BMP3: variants seen among roughly 807,000 people sequenced by gnomAD.
The protein encoded by BMP3 is bone morphogenetic protein 3 (osteogenic).
Under a neutral mutation model 38.1 loss-of-function variants are expected in BMP3, and 23 were observed. That is an observed-to-expected ratio of 0.60 (90% CI 0.43 to 0.86). BMP3 has a LOEUF of 0.86. Among genes scored for constraint, BMP3 ranks in the 40% least tolerant of loss-of-function variants. BMP3 has a pLI of 0.00. For synonymous variants in BMP3, 258 were observed against 225.7 expected, an observed-to-expected ratio of 1.14 and a Z score of -1.28; for missense variants, 628 against 579.6, an observed-to-expected ratio of 1.08 and a Z score of -0.86.
In BMP3 at chr4:81,031,228, C is replaced by A. The variant is rs1739747646; in HGVS notation, c.-57C>A. ...TCGGCTCCGCCGCCGGCTCCTTGCGCCTTCGGAGTGTCCCGCAGCGACGCC... is the reference window on the plus strand; with the variant it reads ...TCGGCTCCGCCGCCGGCTCCTTGCGACTTCGGAGTGTCCCGCAGCGACGCC... On this transcript the variant is annotated 5_prime_UTR_variant, in exon 1 of 3. Transcript: ENST00000282701. 9 of 1,490,866 alleles carry A rather than the reference C, an allele frequency of 6.0e-6. No homozygotes were observed. Among genetic ancestry groups the A allele is most frequent in the South Asian group, 1.4e-5 (1 of 73,796 alleles). The allele number at this position is 1,490,866 out of a possible 1,614,324, so 92.4% of individuals were successfully genotyped here. A position where few individuals can be genotyped will look rare whatever the true frequency, so the allele number is the denominator to read the frequency against.
In BMP3 at chr4:81,045,907, G is replaced by A. The variant is rs760441543; in HGVS notation, c.486G>A (p.Gln162=). 6.2e-7 allele frequency: 1 copy of A among 1,614,114 alleles called. No individual in the cohort carries two copies. The highest frequency in any genetic ancestry group is 8.5e-7 in the Non-Finnish European group (1 of 1,180,008). ...ATCATGCTCAGAGGAAACACATTCA[G>A]ATTGATCTTTCTGCATGGACCCTCA... ...CSHHAQRKHI[Q]IDLSAWTLKF... The change falls in exon 2 of 3, where the codon CAG becomes CAA. Residue 162 remains glutamine, a synonymous_variant. Transcript: ENST00000282701.
At chr4:81,032,194 CAAAAAAA>C (rs5859748) in intron 1 of BMP3, among the ~76,000 whole-genome samples, 1,072 of 74,036 alleles carry the variant, frequency 0.014, 20 homozygotes, top group Middle Eastern at 0.028. Flanking sequence ...TCCTTAGTGG[CAAAAAAA>C]AAAAAAAAAA....
chr4:81,053,315 T>A, intron 2 of BMP3, 30 bp from the exon 3 acceptor site: 1 of 1,496,010 alleles, frequency 6.7e-7, no homozygotes, highest in Non-Finnish European at 8.9e-7. Context: ...CCACCTAACA[T>A]ATGTGTTCTT....
At chr4:81,031,642 C>G in intron 1 of BMP3, 42 bp downstream of exon 1, 1 of 1,502,230 alleles carries the variant, frequency 6.7e-7, no homozygotes, top group Non-Finnish European at 8.9e-7. Flanking sequence ...GGTCCCGCCC[C>G]AGCTTTCTCC....
At chr4:81,042,185 C>T (rs543886495) in intron 1 of BMP3, among the ~76,000 whole-genome samples, 9 of 152,156 alleles carry the variant, frequency 5.9e-5, no homozygotes, top group African/African-American at 1.2e-4. Context: ...TGTATTGCTA[C>T]GATATCTTAT....
In BMP3 at chr4:81,033,336, C is replaced by G. The variant is rs151075031; in HGVS notation, c.316+1736C>G. Among the ~76,000 whole-genome samples, 4 of 152,268 alleles carry G rather than the reference C, an allele frequency of 2.6e-5. No individual in the cohort carries two copies. The East Asian group carries it at 7.7e-4, about 29-fold the overall frequency. ...ACCATGGATAAAGATTTTAACAACT[C>G]AGGCACCATATTCTTTTTGGCTTCA... On this transcript the variant is annotated intron_variant, in intron 1 of 2. Coordinates refer to ENST00000282701, the MANE Select transcript of BMP3 (RefSeq NM_001201.5).
At position 81,031,381 on chromosome 4, in the gene BMP3, C is replaced by T; in HGVS notation, c.97C>T (p.Arg33Cys). Residue 33 changes from arginine to cysteine, a missense_variant, in exon 1 of 3, where the codon CGC becomes TGC. By Grantham distance (180) the Arg-to-Cys change is radical (BLOSUM62 -3). Coordinates refer to ENST00000282701, the MANE Select transcript of BMP3 (RefSeq NM_001201.5). The part of the protein sequence containing the change: ...ERPKPPFPEL[R>C]KAVPGDRTAG... Reference sequence around the variant, plus strand: ...ACCGAAGCCACCTTTCCCGGAGCTCCGCAAAGCTGTGCCAGGTGACCGCAC... The same window carrying T: ...ACCGAAGCCACCTTTCCCGGAGCTCTGCAAAGCTGTGCCAGGTGACCGCAC... 1.9e-6 allele frequency: 3 copies of T among 1,613,626 alleles called. 1 individual carries two copies. Among genetic ancestry groups the T allele is most frequent in the Middle Eastern group, 1.7e-4 (1 of 6,060 alleles).
Position 81,046,086 on chromosome 4 carries a change from C to G in BMP3, c.665C>G (p.Thr222Arg), listed in dbSNP as rs34505126. 8.7e-6 allele frequency: 14 copies of G among 1,614,048 alleles called. No individual in the cohort carries two copies. The highest frequency in any genetic ancestry group is 1.0e-5 in the Non-Finnish European group (12 of 1,180,034). ...GAGTTCCTCATAGGATTTAACATTA[C>G]GTCCAAGGGACGCCAGCTGCCAAAG... The part of the protein sequence containing the change: ...NEEFLIGFNI[T>R]SKGRQLPKRR... Residue 222 changes from threonine to arginine, a missense_variant, in exon 2 of 3, where the codon ACG becomes AGG. Transcript: ENST00000282701.
chr4:81,049,978 A>G (rs1286207566), intron 2 of BMP3, among the ~76,000 whole-genome samples: 1 of 152,150 alleles, frequency 6.6e-6, no homozygotes, highest in Admixed American at 6.6e-5. Flanking sequence ...AGTGTTCTAT[A>G]TGGCAGGGCT....
rs1740220174 is a variant in BMP3 at position 81,045,898 on chromosome 4, A to G, written c.477A>G (p.Lys159=). The G allele has an allele frequency of 1.2e-6, 2 of 1,614,018 alleles. No homozygotes were observed. The highest frequency in any genetic ancestry group is 2.2e-5 in the East Asian group (1 of 44,896). Residue 159 remains lysine, a synonymous_variant, in exon 2 of 3, where the codon AAA becomes AAG. Transcript: ENST00000282701. ...SGGCSHHAQR[K]HIQIDLSAWT... is the part of the protein sequence containing the mutation. ...GATGCTCCCATCATGCTCAGAGGAA[A>G]CACATTCAGATTGATCTTTCTGCAT...
intron 1 of BMP3, among the ~76,000 whole-genome samples, chr4:81,032,757 T>C (rs1235093214): frequency 1.3e-5 from 2 of 152,240 alleles, no homozygotes; most frequent in African/African-American, 4.8e-5. Flanking sequence ...CCCTGCATTG[T>C]CTGTGTAAAT....
chr4:81,039,852 A>G (rs913706391), intron 1 of BMP3, among the ~76,000 whole-genome samples: 2 of 152,210 alleles, frequency 1.3e-5, no homozygotes, highest in Non-Finnish European at 2.9e-5. Flanking sequence ...TAAGGAACTT[A>G]TGGCCTTAAG....
rs150686278 is a variant in BMP3 at position 81,042,032 on chromosome 4, A to G, written c.317-3706A>G. Reference sequence around the variant, plus strand: ...AATAGAGATATAAGGGGAGCCACAAATGTTAGTCACATATGTAATTTAAAA... The same window carrying G: ...AATAGAGATATAAGGGGAGCCACAAGTGTTAGTCACATATGTAATTTAAAA... On this transcript the variant is annotated intron_variant, in intron 1 of 2. Transcript: ENST00000282701. 2.4e-3 allele frequency among the ~76,000 whole-genome samples: 369 copies of G among 152,298 alleles called. 1 individual carries two copies. The highest frequency in any genetic ancestry group is 8.6e-3 in the African/African-American group (356 of 41,564).
In BMP3 at chr4:81,055,256, C is replaced by T. The variant is rs1254898909; in HGVS notation, c.*1720C>T. On this transcript the variant is annotated 3_prime_UTR_variant, in exon 3 of 3. Transcript: ENST00000282701. ...GCTGTTTGTAAATTAGTATGGCATT[C>T]GCTTTGGTTTAAGTGGTATTTTATT... 6.6e-6 allele frequency: 1 copy of T among 152,144 alleles called. No individual in the cohort carries two copies. The highest frequency in any genetic ancestry group is 1.5e-5 in the Non-Finnish European group (1 of 68,032). 9.4% of individuals were successfully genotyped at this position (152,144 alleles called of 1,614,324 possible). A position where few individuals can be genotyped will look rare whatever the true frequency, so the allele number is the denominator to read the frequency against.
rs70956086 is a variant in BMP3 at position 81,032,220 on chromosome 4, A to AAAAC, written c.316+620_316+621insAAAC. The stretch of plus-strand genomic sequence containing the variant: ...AAAAAAAAAAAAAAAAAAAAAAAAA[A>AAAAC]CAGGTGCTTGGGTGTTTCGATTATT... On this transcript the variant is annotated intron_variant, in intron 1 of 2. Coordinates refer to ENST00000282701, the MANE Select transcript of BMP3 (RefSeq NM_001201.5). Among the ~76,000 whole-genome samples the AAAAC allele has an allele frequency of 2.1e-5, 3 of 144,202 alleles. 1 individual carries two copies. In the South Asian group the frequency reaches 6.6e-4, roughly 32 times the overall value. The allele number at this position is 144,202 out of a possible 152,430, so 94.6% of individuals were successfully genotyped here.
chr4:81,053,583 T>C lies in BMP3; in HGVS notation c.*47T>C. The C allele has an allele frequency of 7.9e-7, 1 of 1,259,910 alleles. No homozygotes were observed. The highest frequency in any genetic ancestry group is 1.0e-6 in the Non-Finnish European group (1 of 956,320). The allele number at this position is 1,259,910 out of a possible 1,614,324, so 78.0% of individuals were successfully genotyped here. ...ATGCTTAATTCAATCATTAGTTTAT[T>C]TTTATGGACTTCTTCCTGTTTTTTT... is the stretch of plus-strand genomic sequence containing the variant. On this transcript the variant is annotated 3_prime_UTR_variant, in exon 3 of 3. Transcript: ENST00000282701.
Position 81,045,706 on chromosome 4 carries a change from T to G in BMP3, c.317-32T>G, listed in dbSNP as rs777893610. On this transcript the variant is annotated intron_variant, in intron 1 of 2. Transcript: ENST00000282701. ...ATAGTGAAGTAATGGTCTTGTTTTC[T>G]CCTGTTTACTCTCTTTCTTTTTCCT... The G allele has an allele frequency of 1.5e-5, 23 of 1,494,094 alleles. No homozygotes were observed. In the East Asian group the frequency reaches 5.0e-4, roughly 32 times the overall value. 92.6% of individuals were successfully genotyped at this position (1,494,094 alleles called of 1,614,324 possible).
chr4:81,041,649 T>G (rs1740081229), intron 1 of BMP3, among the ~76,000 whole-genome samples: 1 of 152,220 alleles, frequency 6.6e-6, no homozygotes, highest in African/African-American at 2.4e-5. Context: ...TCTATAGAAC[T>G]ACTAGAACTT....
At chr4:81,040,832 A>C (rs563921410) in intron 1 of BMP3, among the ~76,000 whole-genome samples, 25 of 152,286 alleles carry the variant, frequency 1.6e-4, no homozygotes, top group African/African-American at 6.0e-4. Flanking sequence ...CTAAAAACGC[A>C]TAAGTATTTT....
Sources: allele counts gnomAD v4.1 joint callset (sites outside exome capture counted in the v4.1 genomes callset), GRCh38; gene constraint gnomAD v4.1.1; transcripts MANE v1.5; gene names NCBI Gene and HGNC (gene_info 2026-07-23, HGNC 2026-07-21).